CFAP263: variants seen among roughly 807,000 people sequenced by gnomAD.
CFAP263 encodes cilia- and flagella-associated protein 263.
At chr16:58,277,885 AGAC>A in the CFAP263 span, among the ~76,000 whole-genome samples, 1 of 152,164 alleles carries the variant, frequency 6.6e-6, no homozygotes, top group South Asian at 2.1e-4. Context: ...AAATTCATAG[AGAC>A]AGAAAGTGGA....
At chr16:58,267,398 C>G in the CFAP263 span, 2 of 963,258 alleles carry the variant, frequency 2.1e-6, no homozygotes, top group South Asian at 3.0e-5. Context: ...CTTTTCTGTT[C>G]GTTAACAAAG....
chr16:58,281,947 A>T, the CFAP263 span: 1 of 151,628 alleles, frequency 6.6e-6, no homozygotes, highest in Non-Finnish European at 1.5e-5. Flanking sequence ...GATTCAAGCA[A>T]TTCTCCCACC....
At chr16:58,271,809 G>A in the CFAP263 span, among the ~76,000 whole-genome samples, 1 of 152,148 alleles carries the variant, frequency 6.6e-6, no homozygotes, top group Admixed American at 6.5e-5. Flanking sequence ...TGGATAGTAT[G>A]TTATAGATTT....
chr16:58,267,653 G>A, the CFAP263 span: 1 of 976,500 alleles, frequency 1.0e-6, no homozygotes, highest in Non-Finnish European at 1.6e-6. Context: ...CTTGAGTCAA[G>A]GTCCACCAAG....
At chr16:58,278,243 A>AAAAGGAAAGGAAAAGGG in the CFAP263 span, among the ~76,000 whole-genome samples, 16,415 of 152,098 alleles carry the variant, frequency 0.11, 998 homozygotes, top group Admixed American at 0.13. Context: ...AGGAGGGAAG[A>AAAAGGAAAGGAAAAGGG]AAAGGAATGA....
chr16:58,251,822 A>G, the CFAP263 span, among the ~76,000 whole-genome samples: 1 of 152,248 alleles, frequency 6.6e-6, no homozygotes, highest in Non-Finnish European at 1.5e-5. Flanking sequence ...TCATATACAT[A>G]TACATACATA....
At chr16:58,250,157 G>C in the CFAP263 span, 8 of 1,287,904 alleles carry the variant, frequency 6.2e-6, no homozygotes, top group Admixed American at 1.3e-4. Context: ...CTTCCTCCTA[G>C]GCCCTCCTCT....
chr16:58,259,840 C>T, the CFAP263 span: 1 of 1,476,594 alleles, frequency 6.8e-7, no homozygotes, highest in African/African-American at 1.4e-5. Context: ...TTAAAATATG[C>T]CTTTATGTTT....
At chr16:58,253,201 G>T in the CFAP263 span, among the ~76,000 whole-genome samples, 1 of 151,970 alleles carries the variant, frequency 6.6e-6, no homozygotes, top group Non-Finnish European at 1.5e-5. Context: ...AATATTGCAA[G>T]ACCCCATCTT....
chr16:58,254,498 G>A, the CFAP263 span, among the ~76,000 whole-genome samples: 1 of 152,098 alleles, frequency 6.6e-6, no homozygotes, highest in East Asian at 1.9e-4. Context: ...ACTAGGAAGT[G>A]AATCCTAGTG....
At chr16:58,257,612 T>C in the CFAP263 span, among the ~76,000 whole-genome samples, 1 of 151,848 alleles carries the variant, frequency 6.6e-6, no homozygotes, top group African/African-American at 2.4e-5. Flanking sequence ...TTCTTTATTT[T>C]TTTTTCCATT....
chr16:58,267,331 A>G, the CFAP263 span: 1 of 631,960 alleles, frequency 1.6e-6, no homozygotes, highest in South Asian at 2.0e-5. Context: ...AGACATCAGG[A>G]TTTGGAAAAT....
At chr16:58,255,380 G>A in the CFAP263 span, among the ~76,000 whole-genome samples, 92 of 152,212 alleles carry the variant, frequency 6.0e-4, no homozygotes, top group African/African-American at 2.1e-3. Flanking sequence ...CACCCACACT[G>A]AGGGTGGATC....
At chr16:58,267,077 C>T in the CFAP263 span, among the ~76,000 whole-genome samples, 8 of 152,186 alleles carry the variant, frequency 5.3e-5, no homozygotes, top group African/African-American at 1.9e-4. Flanking sequence ...ATAGTCATGG[C>T]AGCTGTTTGT....
the CFAP263 span, chr16:58,258,266 T>G: frequency 1.1e-6 from 1 of 946,398 alleles, no homozygotes; most frequent in Non-Finnish European, 1.6e-6. Flanking sequence ...AGAAACATAA[T>G]ATTTTGGGAC....
At chr16:58,261,015 T>A in the CFAP263 span, among the ~76,000 whole-genome samples, 1 of 151,994 alleles carries the variant, frequency 6.6e-6, no homozygotes, top group Non-Finnish European at 1.5e-5. Flanking sequence ...AAGGAAGGGG[T>A]AGCCTTTCTC....
chr16:58,262,770 G>GATAA, the CFAP263 span, among the ~76,000 whole-genome samples: 1 of 136,758 alleles, frequency 7.3e-6, no homozygotes, highest in African/African-American at 2.9e-5. Flanking sequence ...TAGGTAGATA[G>GATAA]ATAGATAGAT....
the CFAP263 span, among the ~76,000 whole-genome samples, chr16:58,275,027 A>G: frequency 2.0e-5 from 3 of 152,160 alleles, no homozygotes; most frequent in Admixed American, 2.0e-4. Flanking sequence ...TCTGGACGGG[A>G]GTATGCATTG....
chr16:58,258,460 G>A, the CFAP263 span: 15 of 1,613,892 alleles, frequency 9.3e-6, no homozygotes, highest in East Asian at 2.9e-4. Flanking sequence ...TATCCAAGAA[G>A]AAAGGGAGTA....
Sources: gnomAD v4.1 joint callset for allele counts (sites outside exome capture counted in the v4.1 genomes callset) on GRCh38, gnomAD v4.1.1 for gene constraint, MANE v1.5 for transcripts, NCBI Gene and HGNC (gene_info 2026-07-23, HGNC 2026-07-21) for gene names.